Variants in FRMD6 observed in about 807,000 individuals in gnomAD.
The protein encoded by FRMD6 is FERM domain containing 6, also known as FERM domain-containing protein 6.
FRMD6 carries 37 observed loss-of-function variants against 73.2 expected under a neutral mutation model. The observed-to-expected ratio is 0.51, with a 90% CI of 0.39 to 0.66. The LOEUF (loss-of-function observed/expected upper bound fraction) is 0.66. Ranked by LOEUF, FRMD6 falls within the 30% of genes least tolerant of loss-of-function variation. FRMD6 has a pLI of 0.00. For missense variants in FRMD6, 714 were observed against 780.5 expected, an observed-to-expected ratio of 0.91 and a Z score of 1.02; for synonymous variants, 273 against 282.2, an observed-to-expected ratio of 0.97 and a Z score of 0.33.
intron 2 of FRMD6, among the ~76,000 whole-genome samples, chr14:51,590,964 G>C (rs1889350896): frequency 6.6e-6 from 1 of 152,172 alleles, no homozygotes; most frequent in Admixed American, 6.5e-5. Context: ...AACCTGCTCA[G>C]CCTGGATTCT....
the FRMD6 span, chr14:51,454,835 T>A: frequency 6.6e-6 from 1 of 150,964 alleles, no homozygotes; most frequent in Non-Finnish European, 1.5e-5. Context: ...AAAAAAAAAA[T>A]GAATGCACTG....
chr14:51,471,732 A>T, the FRMD6 span, among the ~76,000 whole-genome samples: 2 of 152,208 alleles, frequency 1.3e-5, no homozygotes, highest in African/African-American at 4.8e-5. Context: ...AAAGTGGTAG[A>T]TAAATGACAA....
chr14:51,478,219 T>A, the FRMD6 span, among the ~76,000 whole-genome samples: 3 of 152,234 alleles, frequency 2.0e-5, no homozygotes, highest in Non-Finnish European at 4.4e-5. Context: ...TTCAATTGTG[T>A]ATCTGGCTTC....
intron 1 of FRMD6, among the ~76,000 whole-genome samples, chr14:51,543,573 C>A (rs1886310268): frequency 6.6e-6 from 1 of 152,026 alleles, no homozygotes. Flanking sequence ...ATATGCCAAG[C>A]ACCAAAGATA....
At chr14:51,503,433 T>C (rs2140221967) in intron 1 of FRMD6, among the ~76,000 whole-genome samples, 1 of 152,344 alleles carries the variant, frequency 6.6e-6, no homozygotes, top group East Asian at 1.9e-4. Context: ...TCAAATGCCT[T>C]TTCTATTAGG....
intron 2 of FRMD6, among the ~76,000 whole-genome samples, chr14:51,638,748 G>C (rs957579897): frequency 2.0e-5 from 3 of 152,158 alleles, no homozygotes; most frequent in African/African-American, 7.2e-5. Context: ...TTTTTAGTCT[G>C]ATCAATTTAA....
At chr14:51,579,131 G>A (rs1263324052) in intron 2 of FRMD6, 1 of 151,968 alleles carries the variant, frequency 6.6e-6, no homozygotes. Context: ...AAAACATAAG[G>A]GAGGAGGCGC....
intron 1 of FRMD6, among the ~76,000 whole-genome samples, chr14:51,668,842 A>AT (rs780983080): frequency 2.2e-4 from 33 of 149,364 alleles, no homozygotes; most frequent in Middle Eastern, 3.6e-3. Context: ...TAATTTTTGT[A>AT]TTTTTTAGCA....
chr14:51,501,891 T>C (rs1340189097), intron 1 of FRMD6, among the ~76,000 whole-genome samples: 2 of 152,160 alleles, frequency 1.3e-5, no homozygotes, highest in Non-Finnish European at 2.9e-5. Flanking sequence ...CATCTGTTGT[T>C]TTTTGACTGT....
At chr14:51,707,967 C>G in intron 6 of FRMD6, 111 bp from the exon 7 acceptor site, 1 of 940,946 alleles carries the variant, frequency 1.1e-6, no homozygotes, top group African/African-American at 1.6e-5. Flanking sequence ...GCAAACCAAC[C>G]AGTTTACATG....
At chr14:51,421,504 G>C in the FRMD6 span, among the ~76,000 whole-genome samples, 1 of 152,322 alleles carries the variant, frequency 6.6e-6, no homozygotes, top group East Asian at 1.9e-4. Flanking sequence ...CTTGACAATT[G>C]TGTCTAGGAA....
chr14:51,412,990 A>ATTTTTTTTTTTT, the FRMD6 span, among the ~76,000 whole-genome samples: 3 of 134,154 alleles, frequency 2.2e-5, no homozygotes, highest in African/African-American at 8.4e-5. Context: ...CCATAGTTAA[A>ATTTTTTTTTTTT]TTTTTTTTTT....
intron 7 of FRMD6, 116 bp downstream of exon 7, chr14:51,708,349 C>A: frequency 9.7e-7 from 1 of 1,026,202 alleles, no homozygotes; most frequent in Non-Finnish European, 1.4e-6. Flanking sequence ...TTTTTACATG[C>A]TTTTAAAAGA....
At chr14:51,576,544 A>G (rs923945391) in intron 2 of FRMD6, among the ~76,000 whole-genome samples, 6 of 151,822 alleles carry the variant, frequency 4.0e-5, no homozygotes, top group Non-Finnish European at 8.8e-5. Context: ...TCAATATGCG[A>G]CCTCCTTCTG....
intron 1 of FRMD6, among the ~76,000 whole-genome samples, chr14:51,670,424 A>G (rs1054519412): frequency 1.2e-4 from 18 of 152,242 alleles, no homozygotes; most frequent in Middle Eastern, 3.4e-3. Flanking sequence ...GAGTCTCCCA[A>G]TGATAATCAA....
the FRMD6 span, among the ~76,000 whole-genome samples, chr14:51,471,012 T>C: frequency 6.6e-6 from 1 of 152,240 alleles, no homozygotes; most frequent in Non-Finnish European, 1.5e-5. Context: ...TAGTGATCAA[T>C]AGTATTGTGC....
chr14:51,656,560 C>T (rs778673364), intron 1 of FRMD6, among the ~76,000 whole-genome samples: 3 of 151,930 alleles, frequency 2.0e-5, no homozygotes, highest in Non-Finnish European at 2.9e-5. Flanking sequence ...ATTATAGGTG[C>T]CTGCCACCAC....
chr14:51,497,712 G>A (rs1387481783), intron 1 of FRMD6, among the ~76,000 whole-genome samples: 2 of 152,120 alleles, frequency 1.3e-5, no homozygotes, highest in Non-Finnish European at 2.9e-5. Flanking sequence ...CATACTACAT[G>A]TTTGAAACCC....
chr14:51,693,062 C>A (rs1483139366), intron 2 of FRMD6, among the ~76,000 whole-genome samples: 1 of 152,086 alleles, frequency 6.6e-6, no homozygotes, highest in Non-Finnish European at 1.5e-5. Flanking sequence ...TCTGTCTTCC[C>A]TCTATAGAAT....
Sources: allele counts gnomAD v4.1 joint callset (sites outside exome capture counted in the v4.1 genomes callset), GRCh38; gene constraint gnomAD v4.1.1; transcripts MANE v1.5; gene names NCBI Gene and HGNC (gene_info 2026-07-23, HGNC 2026-07-21).